The following AGMO variants were observed in gnomAD, a reference collection of about 807,000 sequenced individuals.
The protein encoded by AGMO is glyceryl-ether monooxygenase.
Under a neutral mutation model 60.2 loss-of-function variants are expected in AGMO, and 75 were observed. The ratio of observed to expected loss-of-function variants is 1.25; its 90% CI spans 1.03 to 1.51. The LOEUF (loss-of-function observed/expected upper bound fraction) is 1.51. Among genes scored for constraint, AGMO ranks in the 40% most tolerant of loss-of-function variants. The pLI, the probability that AGMO is intolerant of heterozygous loss-of-function variation, is 0.00. For synonymous variants in AGMO, 261 were observed against 177.1 expected (o/e 1.47, Z -3.76); for missense variants, 763 against 525.5 (o/e 1.45, Z -4.42).
chr7:15,527,670 A>G (rs933849261), intron 3 of AGMO, among the ~76,000 whole-genome samples: 56 of 152,210 alleles, frequency 3.7e-4, no homozygotes, highest in African/African-American at 1.3e-3. Flanking sequence ...TATTGGAAGA[A>G]GATGCAATCT....
the AGMO span, among the ~76,000 whole-genome samples, chr7:15,164,974 T>G: frequency 2.0e-5 from 3 of 152,144 alleles, no homozygotes; most frequent in Non-Finnish European, 4.4e-5. Flanking sequence ...AGCAAAGTCA[T>G]GTAATTAACC....
the AGMO span, among the ~76,000 whole-genome samples, chr7:15,186,692 A>G: frequency 6.6e-6 from 1 of 152,192 alleles, no homozygotes; most frequent in Non-Finnish European, 1.5e-5. Context: ...TAGAGTTCTT[A>G]TATAACCCAA....
chr7:15,275,688 G>C (rs1371970026), intron 12 of AGMO, among the ~76,000 whole-genome samples: 1 of 152,082 alleles, frequency 6.6e-6, no homozygotes. Context: ...CTTAGGTTAA[G>C]TAGTATTTAT....
chr7:15,120,163 G>A, the AGMO span, among the ~76,000 whole-genome samples: 7 of 151,842 alleles, frequency 4.6e-5, no homozygotes, highest in African/African-American at 1.7e-4. Flanking sequence ...ATTTTTTTTA[G>A]ATCTTTCATT....
the AGMO span, among the ~76,000 whole-genome samples, chr7:15,167,642 C>G: frequency 6.6e-6 from 1 of 152,158 alleles, no homozygotes; most frequent in African/African-American, 2.4e-5. Context: ...TCTAAGATTG[C>G]AGGGCTAAGA....
chr7:15,555,049 G>A (rs1022362271), intron 2 of AGMO, among the ~76,000 whole-genome samples: 1 of 151,732 alleles, frequency 6.6e-6, no homozygotes, highest in South Asian at 2.1e-4. Context: ...GTAGACTCAT[G>A]TAATACACTC....
chr7:15,435,244 T>C (rs1405740399), intron 3 of AGMO, among the ~76,000 whole-genome samples: 1 of 152,020 alleles, frequency 6.6e-6, no homozygotes, highest in East Asian at 1.9e-4. Context: ...CGTGGGATTA[T>C]TGAGCTGTAT....
At chr7:15,430,393 C>CA (rs201115742) in intron 4 of AGMO, among the ~76,000 whole-genome samples, 13,181 of 151,066 alleles carry the variant, frequency 0.087, 744 homozygotes, top group South Asian at 0.15. Flanking sequence ...AGGAAGATGA[C>CA]AAAAAAAGGG....
the AGMO span, among the ~76,000 whole-genome samples, chr7:15,185,774 T>A: frequency 6.6e-6 from 1 of 152,212 alleles, no homozygotes; most frequent in Non-Finnish European, 1.5e-5. Flanking sequence ...ATATGTGCCT[T>A]GTTTTCTAAC....
At chr7:15,359,307 A>G (rs867528281) in intron 12 of AGMO, among the ~76,000 whole-genome samples, 8 of 150,546 alleles carry the variant, frequency 5.3e-5, no homozygotes, top group African/African-American at 4.9e-5. Flanking sequence ...AAAAAAAAAA[A>G]GAAATTAGAT....
chr7:15,475,900 A>T (rs763365889), intron 3 of AGMO, among the ~76,000 whole-genome samples: 36 of 152,222 alleles, frequency 2.4e-4, no homozygotes, highest in Non-Finnish European at 4.3e-4. Flanking sequence ...AGATCTAAAC[A>T]TATTTACTCA....
chr7:15,462,098 A>C (rs1476571932), intron 3 of AGMO, among the ~76,000 whole-genome samples: 1 of 152,080 alleles, frequency 6.6e-6, no homozygotes, highest in Non-Finnish European at 1.5e-5. Flanking sequence ...AAGACACAAA[A>C]CATGCATGAT....
chr7:15,527,264 G>GA (rs1784151846), intron 3 of AGMO, among the ~76,000 whole-genome samples: 2 of 152,054 alleles, frequency 1.3e-5, no homozygotes, highest in South Asian at 2.1e-4. Flanking sequence ...AGAAGTTCTT[G>GA]AAAAAAATTA....
At chr7:15,328,048 T>C (rs939915803) in intron 12 of AGMO, among the ~76,000 whole-genome samples, 1 of 152,074 alleles carries the variant, frequency 6.6e-6, no homozygotes, top group Non-Finnish European at 1.5e-5. Context: ...AGTGCTGGGA[T>C]TGCAGGTATG....
chr7:15,278,035 G>T (rs1783849343), intron 12 of AGMO, among the ~76,000 whole-genome samples: 1 of 152,072 alleles, frequency 6.6e-6, no homozygotes, highest in Non-Finnish European at 1.5e-5. Flanking sequence ...TCATACCCCT[G>T]GTCCCAGGGC....
chr7:15,132,760 A>G, the AGMO span, among the ~76,000 whole-genome samples: 4 of 152,200 alleles, frequency 2.6e-5, no homozygotes, highest in Non-Finnish European at 5.9e-5. Context: ...AGGAGGGAAA[A>G]TTAAACCATA....
intron 7 of AGMO, 32 bp from the exon 8 acceptor site, chr7:15,390,782 G>T: frequency 1.3e-6 from 2 of 1,591,058 alleles, no homozygotes; most frequent in Non-Finnish European, 1.7e-6. Flanking sequence ...ATGAGATTTG[G>T]CTTCCTGTAA....
chr7:15,158,920 G>A, the AGMO span, among the ~76,000 whole-genome samples: 1 of 152,070 alleles, frequency 6.6e-6, no homozygotes, highest in Non-Finnish European at 1.5e-5. Context: ...AAAATGTTGA[G>A]CAAAGGCAAG....
intron 8 of AGMO, among the ~76,000 whole-genome samples, chr7:15,390,180 T>TC (rs1784079362): frequency 1.3e-5 from 2 of 151,674 alleles, no homozygotes; most frequent in Admixed American, 1.3e-4. Flanking sequence ...AGAAAACTGG[T>TC]CCAGTCCAAC....
Sources: gnomAD v4.1 joint callset for allele counts (sites outside exome capture counted in the v4.1 genomes callset) on GRCh38, gnomAD v4.1.1 for gene constraint, MANE v1.5 for transcripts, NCBI Gene and HGNC (gene_info 2026-07-23, HGNC 2026-07-21) for gene names.